Variants in HDAC9 observed in about 807,000 individuals in gnomAD.
HDAC9 encodes MEF-2 interacting transcription repressor (MITR) protein.
Under a neutral mutation model 139.4 loss-of-function variants are expected in HDAC9, and 41 were observed. The observed-to-expected ratio is 0.29, with a 90% confidence interval of 0.23 to 0.38. The LOEUF (loss-of-function observed/expected upper bound fraction) is 0.38. Ranked by LOEUF, HDAC9 falls within the 10% of genes least tolerant of loss-of-function variation. The pLI is 1.00. For missense variants in HDAC9, 1,147 were observed against 1,297.0 expected (o/e 0.88, Z 1.78); for synonymous variants, 517 against 476.2 (o/e 1.09, Z -1.12).
chr7:18,406,747 C>T (rs1472662650), intron 1 of HDAC9, among the ~76,000 whole-genome samples: 1 of 152,046 alleles, frequency 6.6e-6, no homozygotes, highest in Non-Finnish European at 1.5e-5. Flanking sequence ...TAATTTTGGT[C>T]TAGTAACTAC....
intron 21 of HDAC9, among the ~76,000 whole-genome samples, chr7:18,838,767 T>G (rs1796398863): frequency 6.6e-6 from 1 of 151,838 alleles, no homozygotes; most frequent in African/African-American, 2.4e-5. Flanking sequence ...TGCCTTTTCT[T>G]TTCTCTTAGT....
At chr7:18,410,957 A>G (rs1788491731) in intron 1 of HDAC9, among the ~76,000 whole-genome samples, 1 of 152,252 alleles carries the variant, frequency 6.6e-6, no homozygotes, top group African/African-American at 2.4e-5. Flanking sequence ...TTATAGAATT[A>G]TAATCGTCAA....
rs189037867 is a variant in HDAC9 at position 18,335,644 on chromosome 7, A to G, written c.-42+45129A>G. ...TAATGGGGAAAGTAGATTTATTCTC[A>G]GGTAAAGGGTGGGGGTAAATGCTGA... On this transcript the variant is annotated intron_variant, in intron 1 of 3. Transcript: ENST00000413509. 3.8e-3 allele frequency among the ~76,000 whole-genome samples: 574 copies of G among 151,746 alleles called. 3 individuals are homozygous for G. Among genetic ancestry groups the G allele is most frequent in the African/African-American group, 0.013 (558 of 41,496 alleles).
chr7:18,142,327 G>A (rs867147790), intron 1 of HDAC9, among the ~76,000 whole-genome samples: 1 of 152,128 alleles, frequency 6.6e-6, no homozygotes, highest in South Asian at 2.1e-4. Flanking sequence ...ATCAGTAAGA[G>A]GAGAGTGATC....
intron 12 of HDAC9, among the ~76,000 whole-genome samples, chr7:18,718,522 C>T (rs1333217294): frequency 1.3e-5 from 2 of 152,130 alleles, no homozygotes; most frequent in African/African-American, 2.4e-5. Flanking sequence ...TGTGAGCCAC[C>T]GTGCCTGGCA....
At position 18,744,661 on chromosome 7, in the gene HDAC9, C is replaced by G. The variant is rs187079650; in HGVS notation, c.1910-4344C>G. ...ACTCAGACTAATAGGTCTTACTAGA[C>G]TGAGTGTAAATTTGAAGACAGAAAT... is the stretch of plus-strand genomic sequence containing the variant. On this transcript the variant is annotated intron_variant, in intron 13 of 25. Coordinates refer to ENST00000686413, the MANE Select transcript of HDAC9 (RefSeq NM_178425.4). Among the ~76,000 whole-genome samples, 117 of 152,070 alleles carry G rather than the reference C, an allele frequency of 7.7e-4. No homozygotes were observed. The Middle Eastern group carries it at 0.01, about 14-fold the overall frequency.
chr7:18,651,059 C>T (rs1227011343), intron 11 of HDAC9, among the ~76,000 whole-genome samples: 2 of 152,074 alleles, frequency 1.3e-5, no homozygotes, highest in Non-Finnish European at 2.9e-5. Context: ...CACAATAGAA[C>T]GCTTAAGAAG....
chr7:18,947,037 C>T (rs1782453454), intron 23 of HDAC9, among the ~76,000 whole-genome samples: 1 of 151,434 alleles, frequency 6.6e-6, no homozygotes, highest in African/African-American at 2.4e-5. Flanking sequence ...TTCATGTGTC[C>T]AAAGAAATCA....
chr7:18,391,256 G>A (rs902662870), intron 1 of HDAC9, among the ~76,000 whole-genome samples: 9 of 151,938 alleles, frequency 5.9e-5, no homozygotes, highest in East Asian at 1.9e-4. Flanking sequence ...ATGGTGGCAC[G>A]TGCCTGTAAT....
chr7:18,755,943 T>A (rs1788838715), intron 14 of HDAC9, among the ~76,000 whole-genome samples: 1 of 152,150 alleles, frequency 6.6e-6, no homozygotes, highest in South Asian at 2.1e-4. Flanking sequence ...CATTCCGTAG[T>A]CCCAAGTGTT....
intron 2 of HDAC9, among the ~76,000 whole-genome samples, chr7:18,540,898 C>G (rs556767740): frequency 6.6e-6 from 1 of 152,082 alleles, no homozygotes; most frequent in Admixed American, 6.6e-5. Context: ...ACATGATTCT[C>G]GTAAGAATTT....
chr7:18,471,197 ATAAC>A, intron 1 of HDAC9, among the ~76,000 whole-genome samples: 1 of 152,160 alleles, frequency 6.6e-6, no homozygotes, highest in Non-Finnish European at 1.5e-5. Flanking sequence ...ACTTGGAACT[ATAAC>A]CGGCACAGGG....
intron 21 of HDAC9, among the ~76,000 whole-genome samples, chr7:18,844,044 C>T (rs1473966311): frequency 6.6e-6 from 1 of 152,134 alleles, no homozygotes; most frequent in Non-Finnish European, 1.5e-5. Context: ...ACTCAATTTT[C>T]CATATTTCAT....
intron 1 of HDAC9, among the ~76,000 whole-genome samples, chr7:18,145,784 C>T (rs984202467): frequency 6.6e-6 from 1 of 152,120 alleles, no homozygotes; most frequent in Non-Finnish European, 1.5e-5. Context: ...TACCGGTGAT[C>T]TGTCAGAGGT....
intron 23 of HDAC9, among the ~76,000 whole-genome samples, chr7:18,943,371 C>T (rs1221091661): frequency 6.6e-6 from 1 of 151,960 alleles, no homozygotes; most frequent in East Asian, 1.9e-4. Flanking sequence ...CTGAATCATC[C>T]AACAAATTGT....
At position 18,942,385 on chromosome 7, in the gene HDAC9, A is replaced by G. The variant is rs376139992; in HGVS notation, c.2937+6443A>G. ...TGGATTTGTTCGTTTTGTTTTTGGT[A>G]GAGGAGAGGTATGTTGAGTAGAATA... On this transcript the variant is annotated intron_variant, in intron 23 of 25. Coordinates refer to ENST00000686413, the MANE Select transcript of HDAC9 (RefSeq NM_178425.4). Among the ~76,000 whole-genome samples, 58 of 152,144 alleles carry G rather than the reference A, an allele frequency of 3.8e-4. 2 individuals carry two copies. In the South Asian group the frequency reaches 0.012, roughly 31 times the overall value.
At chr7:18,899,218 T>C (rs1037364845) in intron 22 of HDAC9, 2 of 152,074 alleles carry the variant, frequency 1.3e-5, no homozygotes, top group Admixed American at 1.3e-4. Context: ...TTTGGGTGTC[T>C]TGTCAATAGA....
intron 2 of HDAC9, among the ~76,000 whole-genome samples, chr7:18,164,545 C>G (rs974688232): frequency 2.6e-5 from 4 of 152,112 alleles, no homozygotes; most frequent in African/African-American, 9.7e-5. Flanking sequence ...TTCAGTAGTT[C>G]CAGAAATTCT....
intron 1 of HDAC9, among the ~76,000 whole-genome samples, chr7:18,142,020 C>G (rs1202257879): frequency 6.6e-6 from 1 of 152,090 alleles, no homozygotes; most frequent in Non-Finnish European, 1.5e-5. Context: ...CGAATTGACC[C>G]TAGTCCTTTA....
Sources: allele counts gnomAD v4.1 joint callset (sites outside exome capture counted in the v4.1 genomes callset), GRCh38; gene constraint gnomAD v4.1.1; transcripts MANE v1.5; gene names NCBI Gene and HGNC (gene_info 2026-07-23, HGNC 2026-07-21).